CC2D2A: variants seen among roughly 807,000 people sequenced by gnomAD.
The protein encoded by CC2D2A is coiled-coil and C2 domain-containing protein 2A.
A neutral mutation model predicts 212.9 loss-of-function variants in CC2D2A; 155 were observed. The ratio of observed to expected loss-of-function variants is 0.73; its 90% CI spans 0.64 to 0.83. CC2D2A has a LOEUF of 0.83. Among genes scored for constraint, CC2D2A ranks in the 40% least tolerant of loss-of-function variants. The pLI is 0.00. For missense variants in CC2D2A, 1,856 were observed against 1,956.2 expected (o/e 0.95, Z 0.97); for synonymous variants, 667 against 686.5 (o/e 0.97, Z 0.44).
chr4:15,502,603 C>G (rs911337809), intron 5 of CC2D2A, 86 bp downstream of exon 5: 2 of 1,223,322 alleles, frequency 1.6e-6, no homozygotes, highest in Non-Finnish European at 2.3e-6. Context: ...CTCCAAACTG[C>G]ATGGATTTGA....
chr4:15,478,815 T>A lies in CC2D2A; in HGVS notation c.123+9T>A. The A allele has an allele frequency of 6.5e-7, 1 of 1,548,796 alleles. No homozygotes were observed. On this transcript the variant is annotated intron_variant, in intron 3 of 36. Coordinates refer to ENST00000424120, the MANE Select transcript of CC2D2A (RefSeq NM_001378615.1). ...AGCCAAGAAAGAAACAGGTAAGAAG[T>A]GACAAGAAACTGTGTCTGCGTATTG...
chr4:15,562,627 C>A (rs1719666755), intron 23 of CC2D2A, among the ~76,000 whole-genome samples: 1 of 152,240 alleles, frequency 6.6e-6, no homozygotes, highest in South Asian at 2.1e-4. Context: ...CTACTAAGTG[C>A]TAGAGCAGTG....
chr4:15,500,098 T>C (rs1560151811), intron 4 of CC2D2A, among the ~76,000 whole-genome samples: 1 of 59,724 alleles, frequency 1.7e-5, no homozygotes, highest in African/African-American at 4.9e-5. Context: ...TGTGTGTGTG[T>C]GTGTGTGTGT....
intron 30 of CC2D2A, among the ~76,000 whole-genome samples, chr4:15,582,390 A>T (rs1293653925): frequency 1.3e-5 from 2 of 152,136 alleles, no homozygotes; most frequent in Non-Finnish European, 2.9e-5. Context: ...ATAAAGACTT[A>T]AAAATGCAAA....
chr4:15,504,645 G>A (rs2109000428), intron 6 of CC2D2A, among the ~76,000 whole-genome samples: 1 of 152,256 alleles, frequency 6.6e-6, no homozygotes, highest in Non-Finnish European at 1.5e-5. Flanking sequence ...AGTTGTAGAA[G>A]TAAAAATATA....
chr4:15,563,180 G>A (rs1385181043), intron 23 of CC2D2A, among the ~76,000 whole-genome samples, 175 bp from the exon 24 acceptor site: 1 of 152,208 alleles, frequency 6.6e-6, no homozygotes, highest in African/African-American at 2.4e-5. Context: ...AACAATCCAT[G>A]CAGTAGGATC....
At chr4:15,487,963 CT>C (rs1268622978) in intron 4 of CC2D2A, among the ~76,000 whole-genome samples, 1 of 151,754 alleles carries the variant, frequency 6.6e-6, no homozygotes, top group Non-Finnish European at 1.5e-5. Flanking sequence ...CGTCTCCCCC[CT>C]GCTTTTTTAT....
At chr4:15,576,445 T>C (rs10939621) in intron 29 of CC2D2A, 496,198 of 885,936 alleles carry the variant, frequency 0.56, 139,690 homozygotes, top group Admixed American at 0.67. Flanking sequence ...TTAAACATAT[T>C]TACCAATGGA....
intron 33 of CC2D2A, among the ~76,000 whole-genome samples, chr4:15,590,498 G>C (rs903701540): frequency 2.6e-5 from 4 of 152,146 alleles, no homozygotes; most frequent in Admixed American, 6.5e-5. Context: ...CTGGGCAACA[G>C]AGCAAGACTC....
chr4:15,535,654 G>A (rs1001988564), intron 14 of CC2D2A, among the ~76,000 whole-genome samples: 5 of 152,042 alleles, frequency 3.3e-5, no homozygotes, highest in African/African-American at 1.2e-4. Flanking sequence ...TATAAATTTC[G>A]GGTACCACTG....
chr4:15,514,983 C>G, intron 9 of CC2D2A, 114 bp downstream of exon 9: 1 of 858,168 alleles, frequency 1.2e-6, no homozygotes, highest in South Asian at 2.2e-5. Context: ...AGTTTCTAAT[C>G]TAACAATCAA....
Position 15,527,443 on chromosome 4 carries a change from G to T in CC2D2A, c.1150-4G>T. ...TTCTGTCTACACTCTGCTTTCCTTG[G>T]CAGGCTGTAAAATACGTTCACAGTA... On this transcript the variant is annotated splice_region_variant and splice_polypyrimidine_tract_variant and intron_variant, in intron 11 of 36. Transcript: ENST00000424120. 6.2e-7 allele frequency: 1 copy of T among 1,609,554 alleles called. No homozygotes were observed. Among genetic ancestry groups the T allele is most frequent in the South Asian group, 1.1e-5 (1 of 90,406 alleles).
At chr4:15,574,417 C>A in intron 29 of CC2D2A, 91 bp downstream of exon 29, 1 of 925,428 alleles carries the variant, frequency 1.1e-6, no homozygotes, top group Non-Finnish European at 1.6e-6. Context: ...TTTTCCTACA[C>A]AAACAGAGCC....
At chr4:15,508,983 G>A (rs1201342334) in intron 6 of CC2D2A, among the ~76,000 whole-genome samples, 1 of 152,168 alleles carries the variant, frequency 6.6e-6, no homozygotes, top group Non-Finnish European at 1.5e-5. Context: ...TTTAAAAGGG[G>A]TGGATTAGAA....
intron 7 of CC2D2A, among the ~76,000 whole-genome samples, chr4:15,510,518 C>A (rs1381278211): frequency 6.6e-6 from 1 of 152,152 alleles, no homozygotes; most frequent in African/African-American, 2.4e-5. Flanking sequence ...ATCACTTGAG[C>A]CCATGAGGTC....
chr4:15,580,535 G>A (rs1720615585), intron 30 of CC2D2A, among the ~76,000 whole-genome samples: 1 of 151,812 alleles, frequency 6.6e-6, no homozygotes, highest in Non-Finnish European at 1.5e-5. Flanking sequence ...CTACTCGGGA[G>A]GCTGAGGCCT....
intron 4 of CC2D2A, among the ~76,000 whole-genome samples, chr4:15,491,110 C>A (rs980641623): frequency 6.6e-6 from 1 of 152,126 alleles, no homozygotes. Context: ...GCTTGTCCTG[C>A]TACAATAGAA....
chr4:15,513,226 T>G (rs901131315), intron 8 of CC2D2A, among the ~76,000 whole-genome samples: 1 of 152,218 alleles, frequency 6.6e-6, no homozygotes, highest in African/African-American at 2.4e-5. Flanking sequence ...CCTCCTGACA[T>G]GACAGCTAAC....
intron 33 of CC2D2A, 119 bp from the exon 34 acceptor site, chr4:15,595,966 G>A (rs988394140): frequency 2.3e-5 from 13 of 570,830 alleles, no homozygotes; most frequent in East Asian, 1.0e-4. Flanking sequence ...AAATGTATGC[G>A]GCCTATATGA....
Sources: allele counts gnomAD v4.1 joint callset (sites outside exome capture counted in the v4.1 genomes callset), GRCh38; gene constraint gnomAD v4.1.1; transcripts MANE v1.5; gene names NCBI Gene and HGNC (gene_info 2026-07-23, HGNC 2026-07-21).